Variants in ADGRL2 observed in about 807,000 individuals in gnomAD.
ADGRL2 encodes the protein calcium-independent alpha-latrotoxin receptor 2.
Under a neutral mutation model 157.4 loss-of-function variants are expected in ADGRL2, and 44 were observed. That is an observed-to-expected ratio of 0.28 (90% CI 0.22 to 0.36). ADGRL2 has a LOEUF of 0.36. ADGRL2 is among the 10% of genes least tolerant of loss of function. ADGRL2 has a pLI of 1.00. For synonymous variants in ADGRL2, 585 were observed against 624.7 expected, an observed-to-expected ratio of 0.94 and a Z score of 0.95; for missense variants, 1,510 against 1,768.9, an observed-to-expected ratio of 0.85 and a Z score of 2.63.
chr1:81,398,105 T>C (rs2076689246), intron 1 of ADGRL2, among the ~76,000 whole-genome samples: 2 of 152,178 alleles, frequency 1.3e-5, no homozygotes, highest in African/African-American at 4.8e-5. Context: ...AAAATCTATT[T>C]TATCTGATAT....
chr1:81,664,599 G>T (rs115093104), intron 3 of ADGRL2, among the ~76,000 whole-genome samples: 3 of 152,168 alleles, frequency 2.0e-5, no homozygotes, highest in African/African-American at 7.2e-5. Flanking sequence ...AGAAATTTCT[G>T]TGATTGCCTT....
At chr1:81,380,728 T>C (rs1414686059) in intron 1 of ADGRL2, among the ~76,000 whole-genome samples, 1 of 152,216 alleles carries the variant, frequency 6.6e-6, no homozygotes, top group African/African-American at 2.4e-5. Flanking sequence ...TTCAGCTGTC[T>C]GTTTTTATTC....
At chr1:81,906,302 C>G (rs1376646822) in intron 2 of ADGRL2, among the ~76,000 whole-genome samples, 1 of 152,058 alleles carries the variant, frequency 6.6e-6, no homozygotes, top group Non-Finnish European at 1.5e-5. Context: ...AAAATTGCTG[C>G]TTTTTAAAAT....
intron 2 of ADGRL2, among the ~76,000 whole-genome samples, chr1:81,782,187 T>C (rs1255042576): frequency 1.3e-5 from 2 of 152,078 alleles, no homozygotes; most frequent in African/African-American, 4.8e-5. Context: ...AATGCCAGCC[T>C]TAAAATAAAG....
chr1:81,349,535 T>C (rs1256486848), intron 1 of ADGRL2, among the ~76,000 whole-genome samples: 1 of 151,954 alleles, frequency 6.6e-6, no homozygotes, highest in Non-Finnish European at 1.5e-5. Context: ...TAGAACTCTT[T>C]AAAGAAGTTT....
At chr1:81,703,848 G>GT (rs1048405363) in intron 1 of ADGRL2, among the ~76,000 whole-genome samples, 2 of 152,056 alleles carry the variant, frequency 1.3e-5, no homozygotes, top group Non-Finnish European at 2.9e-5. Context: ...AAAGTAATGG[G>GT]TTCTTTTGTT....
intron 1 of ADGRL2, among the ~76,000 whole-genome samples, chr1:81,411,878 T>TC (rs2076951462): frequency 7.7e-6 from 1 of 130,012 alleles, no homozygotes; most frequent in Non-Finnish European, 1.6e-5. Context: ...AGACTCCGTC[T>TC]TAAAAAAAAA....
intron 4 of ADGRL2, among the ~76,000 whole-genome samples, chr1:81,940,575 C>CA (rs1316373149): frequency 1.3e-5 from 2 of 151,492 alleles, no homozygotes; most frequent in Non-Finnish European, 3.0e-5. Flanking sequence ...ATTCCTATGG[C>CA]AAAAATGTTC....
intron 1 of ADGRL2, among the ~76,000 whole-genome samples, chr1:81,720,359 G>A (rs1435208811): frequency 6.6e-6 from 1 of 151,828 alleles, no homozygotes; most frequent in Non-Finnish European, 1.5e-5. Flanking sequence ...TAGTAGTGAC[G>A]GGGTTTCACC....
chr1:81,943,154 A>T lies in ADGRL2; in HGVS notation c.595A>T (p.Ser199Cys), dbSNP rs761088337. 1 of 1,613,588 alleles carries T rather than the reference A, an allele frequency of 6.2e-7. No individual in the cohort carries two copies. Among genetic ancestry groups the T allele is most frequent in the Non-Finnish European group, 8.5e-7 (1 of 1,179,638 alleles). ...TGCTTCTTTAGAAGATTTCCAAAAT[A>T]GTCGCCAAACAACAACATATAAACT... The part of the protein sequence containing the change: ...EYASLEDFQN[S>C]RQTTTYKLPN... The change falls in exon 6 of 24, where the codon AGT (serine) becomes TGT (cysteine). Residue 199 changes from serine (S) to cysteine (C), a missense_variant. This residue lies in a region of ADGRL2 where 361 missense variants were observed against 498.4 expected (regional missense o/e 0.72). Coordinates refer to ENST00000686636, the MANE Select transcript of ADGRL2 (RefSeq NM_001366006.2). This position sits in a 1 kb window ranked among gnomAD's most constrained non-coding sequence, Gnocchi z 5.6.
intron 14 of ADGRL2, among the ~76,000 whole-genome samples, chr1:81,968,489 C>A (rs1402377309): frequency 2.6e-5 from 4 of 152,168 alleles, no homozygotes; most frequent in Non-Finnish European, 5.9e-5. Context: ...ATAGGTCATA[C>A]AAAAGAGACA....
intron 1 of ADGRL2, among the ~76,000 whole-genome samples, chr1:81,361,705 C>T (rs2075980858): frequency 6.6e-6 from 1 of 151,938 alleles, no homozygotes; most frequent in African/African-American, 2.4e-5. Context: ...GAAATAGAAA[C>T]TTTCCTTAAA....
At chr1:81,322,743 A>G (rs574646988) in intron 1 of ADGRL2, among the ~76,000 whole-genome samples, 1 of 152,298 alleles carries the variant, frequency 6.6e-6, no homozygotes, top group South Asian at 2.1e-4. Context: ...AGTTTTAAAA[A>G]CCATGTCATA....
At chr1:81,893,629 T>C (rs2094319187) in intron 2 of ADGRL2, among the ~76,000 whole-genome samples, 1 of 152,172 alleles carries the variant, frequency 6.6e-6, no homozygotes, top group South Asian at 2.1e-4. Flanking sequence ...CAATGGGCTG[T>C]AGTGTGTAGG....
chr1:81,322,109 T>TATATATATATATATATAA (rs71592379), intron 1 of ADGRL2, among the ~76,000 whole-genome samples: 1 of 129,848 alleles, frequency 7.7e-6, no homozygotes, highest in Non-Finnish European at 1.6e-5. Context: ...TATATATATA[T>TATATATATATATATATAA]ACACATATAT....
In ADGRL2 at chr1:81,840,627, C is replaced by G. The variant is rs372089250; in HGVS notation, c.73+3570C>G. Among the ~76,000 whole-genome samples, 11 of 152,092 alleles carry G rather than the reference C, an allele frequency of 7.2e-5. No individual in the cohort carries two copies. In the East Asian group the frequency reaches 1.9e-3, roughly 27 times the overall value. On this transcript the variant is annotated intron_variant, in intron 2 of 23. Coordinates refer to ENST00000686636, the MANE Select transcript of ADGRL2 (RefSeq NM_001366006.2). Reference sequence around the variant, plus strand: ...TCTCTATTTTGAATCAAGTCTTACCCATTAAAATTTACCTGTTTGTGTAAG... The same window carrying G: ...TCTCTATTTTGAATCAAGTCTTACCGATTAAAATTTACCTGTTTGTGTAAG...
intron 2 of ADGRL2, among the ~76,000 whole-genome samples, chr1:81,462,608 C>A (rs565632568): frequency 6.6e-6 from 1 of 152,020 alleles, no homozygotes; most frequent in Non-Finnish European, 1.5e-5. Context: ...TAGTGTGGTC[C>A]GATTTTTACT....
intron 1 of ADGRL2, among the ~76,000 whole-genome samples, chr1:81,746,997 T>TACAC (rs1198832771): frequency 1.8e-3 from 251 of 143,350 alleles, no homozygotes; most frequent in African/African-American, 6.1e-3. Flanking sequence ...TATACGTATA[T>TACAC]ACGTGTATAC....
At chr1:81,380,473 G>T (rs997977484) in intron 1 of ADGRL2, among the ~76,000 whole-genome samples, 14 of 151,928 alleles carry the variant, frequency 9.2e-5, no homozygotes, top group East Asian at 7.7e-4. Flanking sequence ...CTTCTTTTTT[G>T]TTGTTGTTTA....
Sources: allele counts gnomAD v4.1 joint callset (sites outside exome capture counted in the v4.1 genomes callset), GRCh38; gene constraint gnomAD v4.1.1; regional missense constraint gnomAD v4.1.1; non-coding constraint Gnocchi (gnomAD v3.1); transcripts MANE v1.5; gene names NCBI Gene and HGNC (gene_info 2026-07-23, HGNC 2026-07-21).